Variants in RXFP1 observed in about 807,000 individuals in gnomAD.
RXFP1 encodes relaxin receptor 1.
A neutral mutation model predicts 89.8 loss-of-function variants in RXFP1; 73 were observed. The observed-to-expected ratio is 0.81, with a 90% CI of 0.67 to 0.99. RXFP1 has a LOEUF of 0.99. RXFP1 is among the 50% of genes least tolerant of loss of function. The pLI, the probability that RXFP1 is intolerant of heterozygous loss-of-function variation, is 0.00. For synonymous variants in RXFP1, 277 were observed against 305.5 expected (o/e 0.91, Z 0.97); for missense variants, 793 against 895.5 (o/e 0.89, Z 1.46).
chr4:158,586,356 A>G (rs1758306375), intron 2 of RXFP1, among the ~76,000 whole-genome samples: 1 of 152,204 alleles, frequency 6.6e-6, no homozygotes, highest in Non-Finnish European at 1.5e-5. Flanking sequence ...TTTTAGCTGA[A>G]AAGCTCTTTT....
intron 5 of RXFP1, among the ~76,000 whole-genome samples, chr4:158,606,873 C>T (rs1175639784): frequency 1.3e-5 from 2 of 152,052 alleles, no homozygotes; most frequent in Non-Finnish European, 2.9e-5. Flanking sequence ...ACCCACTTCA[C>T]CCAGCCTATA....
At chr4:158,607,545 G>A (rs551615497) in intron 5 of RXFP1, among the ~76,000 whole-genome samples, 6 of 152,220 alleles carry the variant, frequency 3.9e-5, no homozygotes, top group East Asian at 1.9e-4. Flanking sequence ...AACAAGACCC[G>A]TATTAAAAGT....
intron 1 of RXFP1, among the ~76,000 whole-genome samples, chr4:158,569,171 G>A (rs751511967): frequency 2.6e-5 from 4 of 152,224 alleles, no homozygotes; most frequent in Non-Finnish European, 5.9e-5. Context: ...TTCAGTAAGT[G>A]AGTGGATAAA....
intron 1 of RXFP1, among the ~76,000 whole-genome samples, chr4:158,567,972 G>A (rs1273871601): frequency 1.3e-5 from 2 of 152,190 alleles, no homozygotes; most frequent in Non-Finnish European, 2.9e-5. Flanking sequence ...GATTCACACT[G>A]CTTTTATGAG....
intron 1 of RXFP1, among the ~76,000 whole-genome samples, chr4:158,556,010 A>T (rs947718201): frequency 4.6e-5 from 7 of 152,206 alleles, no homozygotes; most frequent in Admixed American, 2.0e-4. Context: ...ACTTCACCAC[A>T]TTGGGCTTGG....
chr4:158,551,286 C>T (rs1392933807), intron 1 of RXFP1, among the ~76,000 whole-genome samples: 2 of 151,990 alleles, frequency 1.3e-5, no homozygotes, highest in East Asian at 1.9e-4. Context: ...AGTAGAGAGT[C>T]GAGTGGGGAG....
intron 1 of RXFP1, among the ~76,000 whole-genome samples, chr4:158,567,905 TGTG>T (rs1189373650): frequency 6.6e-6 from 1 of 152,210 alleles, no homozygotes; most frequent in Non-Finnish European, 1.5e-5. Flanking sequence ...CCTTCCAGCT[TGTG>T]GTGGCTTTGT....
intron 1 of RXFP1, among the ~76,000 whole-genome samples, chr4:158,526,463 C>T (rs1422158343): frequency 6.6e-6 from 1 of 152,162 alleles, no homozygotes; most frequent in Non-Finnish European, 1.5e-5. Context: ...AACAAGGACC[C>T]AACACTAAAC....
Position 158,651,869 on chromosome 4 carries a change from G to T in RXFP1, c.2088G>T (p.Trp696Cys). 2 of 1,614,032 alleles carry T rather than the reference G, an allele frequency of 1.2e-6. No homozygotes were observed. The highest frequency in any genetic ancestry group is 1.7e-5 in the Admixed American group (1 of 60,008). ...RPFKEMIHRF[W>C]YNYRQRKSMD... is the part of the protein sequence containing the mutation. Reference sequence around the variant, plus strand: ...TTAAAGAAATGATTCATCGGTTTTGGTATAACTACAGACAAAGAAAATCTA... The same window carrying T: ...TTAAAGAAATGATTCATCGGTTTTGTTATAACTACAGACAAAGAAAATCTA... The change falls in exon 18 of 18, where the codon TGG (tryptophan) becomes TGT (cysteine). Residue 696 changes from tryptophan (W) to cysteine (C), a missense_variant. Physicochemically the swap from Trp to Cys is radical, Grantham distance 215. Coordinates refer to ENST00000307765, the MANE Select transcript of RXFP1 (RefSeq NM_021634.4).
intron 1 of RXFP1, among the ~76,000 whole-genome samples, chr4:158,531,414 C>A (rs1194374246): frequency 6.6e-6 from 1 of 152,190 alleles, no homozygotes; most frequent in East Asian, 1.9e-4. Context: ...AATCACTCAG[C>A]CCCTCACTCC....
At chr4:158,538,232 A>G (rs939608078) in intron 1 of RXFP1, among the ~76,000 whole-genome samples, 4 of 152,186 alleles carry the variant, frequency 2.6e-5, no homozygotes, top group African/African-American at 7.2e-5. Flanking sequence ...TTAATGATCT[A>G]CTTTAATTTT....
intron 4 of RXFP1, among the ~76,000 whole-genome samples, chr4:158,601,858 T>C (rs1003026285): frequency 6.6e-6 from 1 of 152,202 alleles, no homozygotes; most frequent in Non-Finnish European, 1.5e-5. Flanking sequence ...TAGATAGATA[T>C]GATTATTTTT....
intron 5 of RXFP1, among the ~76,000 whole-genome samples, chr4:158,605,593 G>C (rs1194276549): frequency 6.6e-6 from 1 of 152,180 alleles, no homozygotes; most frequent in African/African-American, 2.4e-5. Flanking sequence ...TGAAACCTCT[G>C]AGCATGTTGT....
chr4:158,568,713 C>G (rs557802689), intron 1 of RXFP1, among the ~76,000 whole-genome samples: 9 of 152,146 alleles, frequency 5.9e-5, no homozygotes, highest in Admixed American at 2.0e-4. Flanking sequence ...ATACATTTGA[C>G]TATGTCCTTC....
At chr4:158,609,939 A>G (rs73860544) in intron 6 of RXFP1, among the ~76,000 whole-genome samples, 289 of 152,324 alleles carry the variant, frequency 1.9e-3, no homozygotes, top group African/African-American at 6.5e-3. Context: ...CTCTCTTTTC[A>G]TAGCTTTTCT....
chr4:158,556,185 C>T (rs1751247439), intron 1 of RXFP1, among the ~76,000 whole-genome samples: 1 of 136,050 alleles, frequency 7.4e-6, no homozygotes, highest in South Asian at 2.3e-4. Flanking sequence ...GTACATTTGA[C>T]AAGGAGTTGA....
At chr4:158,590,691 C>T (rs72963748) in intron 2 of RXFP1, among the ~76,000 whole-genome samples, 3,445 of 152,182 alleles carry the variant, frequency 0.023, 110 homozygotes, top group African/African-American at 0.075. Flanking sequence ...ACATGATTGC[C>T]GTTATCTGTA....
intron 3 of RXFP1, among the ~76,000 whole-genome samples, chr4:158,597,961 C>T (rs1466285868): frequency 6.6e-6 from 1 of 152,178 alleles, no homozygotes; most frequent in African/African-American, 2.4e-5. Flanking sequence ...TTATATTAAA[C>T]ACTAAATCTA....
chr4:158,523,511 T>G (rs929392094), intron 1 of RXFP1, among the ~76,000 whole-genome samples: 3 of 152,214 alleles, frequency 2.0e-5, no homozygotes, highest in Non-Finnish European at 4.4e-5. Context: ...ATGGTGGTGA[T>G]GATGATGCCA....
Sources: gnomAD v4.1 joint callset for allele counts (sites outside exome capture counted in the v4.1 genomes callset) on GRCh38, gnomAD v4.1.1 for gene constraint, MANE v1.5 for transcripts, NCBI Gene and HGNC (gene_info 2026-07-23, HGNC 2026-07-21) for gene names.